The following SLC4A5 variants were observed in gnomAD, a reference collection of about 807,000 sequenced individuals.
SLC4A5 encodes the protein solute carrier family 4 member 5.
Under a neutral mutation model 120.4 loss-of-function variants are expected in SLC4A5, and 96 were observed. The ratio of observed to expected loss-of-function variants is 0.80; its 90% CI spans 0.68 to 0.94. The LOEUF (loss-of-function observed/expected upper bound fraction) is 0.94, where lower values mean the gene tolerates loss of function less well. Ranked by LOEUF, SLC4A5 falls within the 40% of genes least tolerant of loss-of-function variation. The pLI, the probability that SLC4A5 is intolerant of heterozygous loss-of-function variation, is 0.00. For synonymous variants in SLC4A5, 550 were observed against 571.1 expected (o/e 0.96, Z 0.53); for missense variants, 1,259 against 1,459.5 (o/e 0.86, Z 2.24).
At chr2:74,239,414 G>T in exon 21 of SLC4A5, 1 of 1,614,196 alleles carries the variant, frequency 6.2e-7, no homozygotes, top group Non-Finnish European at 8.5e-7. Flanking sequence ...AAGGATGAAG[G>T]ACATGAGCGC....
chr2:74,245,124 T>A (rs1448791069), intron 19 of SLC4A5, among the ~76,000 whole-genome samples: 1 of 152,028 alleles, frequency 6.6e-6, no homozygotes. Context: ...ATCGAAACCA[T>A]CCTGGCCAAA....
intron 25 of SLC4A5, among the ~76,000 whole-genome samples, chr2:74,228,675 A>C (rs1239194207): frequency 1.4e-5 from 2 of 139,332 alleles, no homozygotes; most frequent in Non-Finnish European, 3.2e-5. Flanking sequence ...CCCCAAAAAA[A>C]CCAAAAAAAA....
intron 8 of SLC4A5, among the ~76,000 whole-genome samples, chr2:74,275,486 G>T (rs922854578): frequency 1.3e-5 from 2 of 152,142 alleles, no homozygotes; most frequent in Non-Finnish European, 2.9e-5. Flanking sequence ...CTCCCTCAGA[G>T]TCTGCTGGTA....
At position 74,253,130 on chromosome 2, in the gene SLC4A5, T is replaced by G; in HGVS notation, c.1114-2A>C. ...TTTGTAGGCCACGTCACTGAAGAGC[T>G]GGCGAGGAGAGAGGAGGGAGAAAAG... On this transcript the variant is annotated splice_acceptor_variant, in intron 14 of 30. Transcript: ENST00000394019. LOFTEE classifies it high-confidence loss of function. 2 of 1,614,066 alleles carry G rather than the reference T, an allele frequency of 1.2e-6. 1 individual carries two copies.
chr2:74,308,867 T>G (rs1672727139), intron 6 of SLC4A5, among the ~76,000 whole-genome samples: 4 of 152,120 alleles, frequency 2.6e-5, no homozygotes. Context: ...ACATTTAGGT[T>G]TAAGATCCAC....
intron 20 of SLC4A5, among the ~76,000 whole-genome samples, 169 bp downstream of exon 20, chr2:74,241,825 T>C (rs970713880): frequency 4.0e-5 from 6 of 151,588 alleles, no homozygotes; most frequent in Non-Finnish European, 7.4e-5. Context: ...AGTATATACC[T>C]AAGAAAAAAG....
At chr2:74,232,709 C>A in intron 23 of SLC4A5, 62 bp from the exon 24 acceptor site, 1 of 1,579,814 alleles carries the variant, frequency 6.3e-7, no homozygotes, top group South Asian at 1.1e-5. Flanking sequence ...CTGGATGCAA[C>A]CATTCTGTGG....
intron 7 of SLC4A5, among the ~76,000 whole-genome samples, chr2:74,301,282 T>C (rs1292276653): frequency 1.3e-5 from 2 of 152,222 alleles, no homozygotes; most frequent in African/African-American, 2.4e-5. Context: ...ACCAAGCCCC[T>C]TCACATATAC....
intron 5 of SLC4A5, chr2:74,319,404 C>G (rs948664359): frequency 1.3e-5 from 2 of 152,066 alleles, no homozygotes; most frequent in Non-Finnish European, 2.9e-5. Context: ...AGCTGGTGCT[C>G]GCTTTAGTAG....
intron 15 of SLC4A5, 113 bp from the exon 16 acceptor site, chr2:74,252,501 C>T: frequency 3.1e-6 from 4 of 1,275,076 alleles, no homozygotes; most frequent in Non-Finnish European, 4.3e-6. Context: ...AATTGTCTAA[C>T]AATATCCACA....
chr2:74,277,814 A>G (rs1671692453), intron 8 of SLC4A5, among the ~76,000 whole-genome samples: 1 of 152,224 alleles, frequency 6.6e-6, no homozygotes, highest in Non-Finnish European at 1.5e-5. Flanking sequence ...ATTAGGAAAT[A>G]TAACGGCATT....
chr2:74,330,606 C>A (rs1467785184), intron 4 of SLC4A5, among the ~76,000 whole-genome samples: 10 of 142,086 alleles, frequency 7.0e-5, no homozygotes, highest in African/African-American at 2.7e-4. Flanking sequence ...GTGGTGAGGT[C>A]TAGATGGAGG....
intron 8 of SLC4A5, among the ~76,000 whole-genome samples, chr2:74,267,480 T>C (rs1671341508): frequency 1.3e-5 from 2 of 152,184 alleles, no homozygotes; most frequent in Admixed American, 6.5e-5. Flanking sequence ...AAAAAATATG[T>C]GGGTGAACTC....
At position 74,232,576 on chromosome 2, in the gene SLC4A5, G is replaced by T. The variant is rs1486379069; in HGVS notation, c.2667C>A (p.Leu889=). 2.5e-6 allele frequency: 4 copies of T among 1,613,998 alleles called. No individual in the cohort carries two copies. The highest frequency in any genetic ancestry group is 1.7e-4 in the Middle Eastern group (1 of 6,058). ...TGACCGTGGCAGCCACGTACCAGGG[G>T]AGCCCCATAAAGGAGCACAAAGCCA... The change falls in exon 24 of 31, where the codon CTC becomes CTA. Residue 889 remains leucine, a synonymous_variant. Transcript: ENST00000394019.
chr2:74,338,547 A>C (rs1359155284), intron 3 of SLC4A5, among the ~76,000 whole-genome samples: 2 of 152,152 alleles, frequency 1.3e-5, no homozygotes, highest in Non-Finnish European at 2.9e-5. Flanking sequence ...GGCCAGGTAC[A>C]GTGGCTCACG....
At chr2:74,243,822 G>C (rs1404647003) in intron 19 of SLC4A5, among the ~76,000 whole-genome samples, 1 of 152,202 alleles carries the variant, frequency 6.6e-6, no homozygotes, top group Non-Finnish European at 1.5e-5. Flanking sequence ...AAGGGTCCAA[G>C]TATCAAACAT....
At chr2:74,300,596 G>C (rs1441798961) in intron 7 of SLC4A5, among the ~76,000 whole-genome samples, 1 of 152,156 alleles carries the variant, frequency 6.6e-6, no homozygotes, top group African/African-American at 2.4e-5. Context: ...GCTCCAGGAA[G>C]CCTGTGCTGC....
In SLC4A5 at chr2:74,321,603, T is replaced by A. The variant is rs149648103; in HGVS notation, c.-3+6517A>T. ...ACACCTGGGTCATCTGACAAAGGAC[T>A]CTGGGAAAGTAAGTTTTTACTGGGA... On this transcript the variant is annotated intron_variant, in intron 5 of 30. Coordinates refer to ENST00000394019, the Ensembl canonical transcript of SLC4A5. 2.9e-3 allele frequency among the ~76,000 whole-genome samples: 447 copies of A among 152,090 alleles called. 3 individuals carry two copies. Among genetic ancestry groups the A allele is most frequent in the African/African-American group, 0.011 (439 of 41,468 alleles).
chr2:74,240,227 T>C (rs1305814647), intron 20 of SLC4A5, among the ~76,000 whole-genome samples: 2 of 151,984 alleles, frequency 1.3e-5, no homozygotes, highest in East Asian at 1.9e-4. Flanking sequence ...GGAATGTGCT[T>C]TTCTCTGCTG....
Sources: allele counts gnomAD v4.1 joint callset (sites outside exome capture counted in the v4.1 genomes callset), GRCh38; gene constraint gnomAD v4.1.1; transcripts MANE v1.5; gene names NCBI Gene and HGNC (gene_info 2026-07-23, HGNC 2026-07-21).